Variants in ADORA2B observed in about 807,000 individuals in gnomAD.
The protein encoded by ADORA2B is adenosine A2b receptor, also known as adenosine receptor A2b.
ADORA2B carries 18 observed loss-of-function variants against 20.8 expected under a neutral mutation model. The ratio of observed to expected loss-of-function variants is 0.87; its 90% CI spans 0.60 to 1.29. The LOEUF is 1.29. ADORA2B is among the 50% of genes most tolerant of loss of function. The pLI, the probability that ADORA2B is intolerant of heterozygous loss-of-function variation, is 0.00. For synonymous variants in ADORA2B, 179 were observed against 178.3 expected (o/e 1.00, Z -0.03); for missense variants, 441 against 422.7 (o/e 1.04, Z -0.38).
At chr17:15,901,166 C>T in the ADORA2B span, among the ~76,000 whole-genome samples, 46 of 152,234 alleles carry the variant, frequency 3.0e-4, no homozygotes, top group African/African-American at 1.0e-3. Context: ...ATGAGCTATA[C>T]TGAAATAGCT....
At chr17:15,882,432 G>C in the ADORA2B span, among the ~76,000 whole-genome samples, 1 of 152,176 alleles carries the variant, frequency 6.6e-6, no homozygotes, top group African/African-American at 2.4e-5. Context: ...AAAGGTTCTT[G>C]GCCGGGCACA....
chr17:15,886,949 G>A, the ADORA2B span, among the ~76,000 whole-genome samples: 1 of 130,964 alleles, frequency 7.6e-6, no homozygotes, highest in South Asian at 2.3e-4. Context: ...GACCCAGCCA[G>A]GGGGCAGGAG....
chr17:15,871,198 A>G, the ADORA2B span, among the ~76,000 whole-genome samples: 1 of 152,188 alleles, frequency 6.6e-6, no homozygotes, highest in Non-Finnish European at 1.5e-5. Flanking sequence ...GGCTTTCTGA[A>G]CAAAAATATC....
chr17:15,858,673 C>T, the ADORA2B span: 2 of 152,712 alleles, frequency 1.3e-5, no homozygotes, highest in Non-Finnish European at 2.9e-5. Context: ...CACACACGCA[C>T]CTGTGTTGGT....
the ADORA2B span, among the ~76,000 whole-genome samples, chr17:15,881,054 C>T: frequency 6.6e-5 from 10 of 152,096 alleles, no homozygotes; most frequent in Non-Finnish European, 8.8e-5. Flanking sequence ...TGAAGAGGGG[C>T]GTGGTCTGTC....
the ADORA2B span, among the ~76,000 whole-genome samples, chr17:15,885,188 A>G: frequency 5.3e-5 from 8 of 152,040 alleles, no homozygotes; most frequent in East Asian, 1.4e-3. Context: ...GCTTTTTTTC[A>G]TATGTTTCTC....
chr17:15,894,829 A>C, the ADORA2B span, among the ~76,000 whole-genome samples: 1 of 152,230 alleles, frequency 6.6e-6, no homozygotes, highest in South Asian at 2.1e-4. Flanking sequence ...AGTCCAAAGA[A>C]TGGTCATGGT....
At chr17:15,878,919 T>G in the ADORA2B span, among the ~76,000 whole-genome samples, 183 of 152,238 alleles carry the variant, frequency 1.2e-3, no homozygotes, top group Admixed American at 4.3e-3. Flanking sequence ...CTTACATATC[T>G]GGGGGCAAAA....
chr17:15,897,938 TG>T, the ADORA2B span, among the ~76,000 whole-genome samples: 40 of 152,240 alleles, frequency 2.6e-4, no homozygotes, highest in Non-Finnish European at 4.6e-4. Flanking sequence ...AAATATTGAA[TG>T]TAAATATTTC....
the ADORA2B span, among the ~76,000 whole-genome samples, chr17:15,885,492 TC>T: frequency 6.6e-5 from 10 of 152,096 alleles, no homozygotes; most frequent in Admixed American, 5.9e-4. Context: ...AGTGGGCAGA[TC>T]ACTTGAGGTC....
chr17:15,914,561 GCCCCAGAGCAAGCATGAA>G, the ADORA2B span, among the ~76,000 whole-genome samples: 1 of 152,188 alleles, frequency 6.6e-6, no homozygotes, highest in Non-Finnish European at 1.5e-5. Flanking sequence ...ATAATCATGT[GCCCCAGAGCAAGCATGAA>G]CCATATAGCT....
chr17:15,926,338 C>T, the ADORA2B span, among the ~76,000 whole-genome samples: 1 of 151,618 alleles, frequency 6.6e-6, no homozygotes, highest in African/African-American at 2.4e-5. Context: ...TTGATAAGCA[C>T]TAGGAAGACA....
At chr17:15,938,473 T>A in the ADORA2B span, among the ~76,000 whole-genome samples, 7 of 152,174 alleles carry the variant, frequency 4.6e-5, no homozygotes, top group African/African-American at 1.7e-4. Context: ...CGGCTAATGT[T>A]TTGTATGTGT....
At chr17:15,953,012 G>A (rs534130834) in intron 1 of ADORA2B, among the ~76,000 whole-genome samples, 3 of 152,304 alleles carry the variant, frequency 2.0e-5, no homozygotes, top group East Asian at 3.9e-4. Flanking sequence ...AGGCACGGGC[G>A]GGCAGGCTTC....
chr17:15,956,893 C>A (rs1969973079), intron 1 of ADORA2B, among the ~76,000 whole-genome samples: 2 of 152,150 alleles, frequency 1.3e-5, no homozygotes, highest in Non-Finnish European at 2.9e-5. Flanking sequence ...AGCCACCGCA[C>A]CCGGCCTGTG....
chr17:15,891,582 A>T, the ADORA2B span, among the ~76,000 whole-genome samples: 1 of 152,134 alleles, frequency 6.6e-6, no homozygotes, highest in African/African-American at 2.4e-5. Flanking sequence ...AATAATAAAG[A>T]CCTATTGGGA....
the ADORA2B span, among the ~76,000 whole-genome samples, chr17:15,868,641 G>A: frequency 1.7e-3 from 222 of 133,040 alleles, 9 homozygotes; most frequent in African/African-American, 5.6e-3. Flanking sequence ...ATAGCTGGGC[G>A]TAGTGGCAGG....
chr17:15,892,414 C>T, the ADORA2B span, among the ~76,000 whole-genome samples: 1 of 152,040 alleles, frequency 6.6e-6, no homozygotes, highest in Non-Finnish European at 1.5e-5. Context: ...GGTGATCCAC[C>T]CGCCTTGGCC....
the ADORA2B span, among the ~76,000 whole-genome samples, chr17:15,870,162 G>A: frequency 6.7e-6 from 1 of 148,224 alleles, no homozygotes; most frequent in Non-Finnish European, 1.5e-5. Context: ...TCAGTTAGAT[G>A]ACCTACCAAA....
Sources: gnomAD v4.1 joint callset for allele counts (sites outside exome capture counted in the v4.1 genomes callset) on GRCh38, gnomAD v4.1.1 for gene constraint, MANE v1.5 for transcripts, NCBI Gene and HGNC (gene_info 2026-07-23, HGNC 2026-07-21) for gene names.